The following HIPK1 variants were observed in gnomAD, a reference collection of about 807,000 sequenced individuals.
The protein encoded by HIPK1 is homeodomain interacting protein kinase 1.
In HIPK1, 28 loss-of-function variants were observed where a neutral mutation model predicts 117.1. The ratio of observed to expected loss-of-function variants is 0.24; its 90% CI spans 0.18 to 0.33. The LOEUF (loss-of-function observed/expected upper bound fraction) is 0.33. Ranked by LOEUF, HIPK1 falls within the 10% of genes least tolerant of loss-of-function variation. The probability of loss-of-function intolerance (pLI) is 1.00; values close to 1 mark genes in which losing one functional copy is unlikely to be tolerated. For synonymous variants in HIPK1, 605 were observed against 562.5 expected, an observed-to-expected ratio of 1.08 and a Z score of -1.07; for missense variants, 1,122 against 1,475.1, an observed-to-expected ratio of 0.76 and a Z score of 3.92.
At chr1:113,955,467 G>T in intron 4 of HIPK1, 96 bp from the exon 5 acceptor site, 2 of 735,546 alleles carry the variant, frequency 2.7e-6, no homozygotes, top group East Asian at 2.5e-5. Flanking sequence ...TTGGCAAGGT[G>T]ACCACACTTG....
intron 15 of HIPK1, chr1:113,972,186 C>A: frequency 8.1e-7 from 1 of 1,240,510 alleles, no homozygotes; most frequent in Non-Finnish European, 1.1e-6. Context: ...CTAAGTCTAC[C>A]CTGGAAGGTT....
At chr1:113,965,606 G>T (rs572280963) in intron 10 of HIPK1, among the ~76,000 whole-genome samples, 1 of 152,180 alleles carries the variant, frequency 6.6e-6, no homozygotes, top group South Asian at 2.1e-4. Flanking sequence ...AAAGGATTAG[G>T]CCTTTGGTCA....
intron 2 of HIPK1, among the ~76,000 whole-genome samples, chr1:113,947,230 A>G (rs1332877852): frequency 6.6e-6 from 1 of 152,152 alleles, no homozygotes; most frequent in African/African-American, 2.4e-5. Context: ...CTCACTGTAA[A>G]TGTGCACAGA....
chr1:113,945,096 G>A (rs375123364), intron 2 of HIPK1, among the ~76,000 whole-genome samples: 25 of 150,650 alleles, frequency 1.7e-4, no homozygotes, highest in African/African-American at 6.1e-4. Context: ...TGATATGCCC[G>A]CCTCGGCAAC....
chr1:113,938,633 G>C (rs1670409691), intron 1 of HIPK1, among the ~76,000 whole-genome samples: 1 of 151,872 alleles, frequency 6.6e-6, no homozygotes, highest in South Asian at 2.1e-4. Flanking sequence ...AGGAGGCCAG[G>C]GGCAGTGGCT....
chr1:113,943,216 C>A (rs931444735), intron 2 of HIPK1, among the ~76,000 whole-genome samples: 3 of 152,172 alleles, frequency 2.0e-5, no homozygotes, highest in African/African-American at 7.2e-5. Context: ...TGTTGTGTAA[C>A]CATCACCACT....
At chr1:113,959,682 AC>A (rs1325480373) in intron 8 of HIPK1, among the ~76,000 whole-genome samples, 2 of 152,174 alleles carry the variant, frequency 1.3e-5, no homozygotes, top group Non-Finnish European at 2.9e-5. Context: ...AAGTGGGATA[AC>A]CCTTTTTAGT....
intron 14 of HIPK1, 152 bp downstream of exon 14, chr1:113,970,349 G>A (rs1036287932): frequency 1.2e-5 from 10 of 814,280 alleles, no homozygotes; most frequent in Non-Finnish European, 1.7e-5. Flanking sequence ...CCTGCACAAT[G>A]TGAAATTATT....
chr1:113,950,346 A>C (rs1251670695), intron 2 of HIPK1, among the ~76,000 whole-genome samples: 1 of 152,038 alleles, frequency 6.6e-6, no homozygotes, highest in Non-Finnish European at 1.5e-5. Flanking sequence ...TTTCCATTTA[A>C]CTCCTGTAAC....
chr1:113,951,168 A>G, intron 2 of HIPK1: 3 of 926,912 alleles, frequency 3.2e-6, no homozygotes, highest in Non-Finnish European at 2.6e-6. Context: ...TTTATGTGTC[A>G]TTTATTATTA....
chr1:113,955,018 G>T (rs1355029695), intron 4 of HIPK1, among the ~76,000 whole-genome samples: 1 of 152,146 alleles, frequency 6.6e-6, no homozygotes, highest in Non-Finnish European at 1.5e-5. Flanking sequence ...AAGTTTGGAG[G>T]GTAGTGCTCA....
At chr1:113,939,953 CTT>C (rs543460905) in intron 1 of HIPK1, among the ~76,000 whole-genome samples, 18 of 125,166 alleles carry the variant, frequency 1.4e-4, no homozygotes, top group African/African-American at 2.6e-4. Flanking sequence ...ATCCTGGTTA[CTT>C]TTTTTTTTTT....
chr1:113,959,944 A>G (rs1671986576), intron 8 of HIPK1, among the ~76,000 whole-genome samples: 1 of 152,222 alleles, frequency 6.6e-6, no homozygotes, highest in African/African-American at 2.4e-5. Flanking sequence ...GAGAATTTTG[A>G]GCATGGTTCC....
intron 1 of HIPK1, among the ~76,000 whole-genome samples, chr1:113,931,018 C>A (rs1402643162): frequency 6.6e-6 from 1 of 152,174 alleles, no homozygotes; most frequent in East Asian, 1.9e-4. Context: ...CCCAATCTGT[C>A]CTTTATCTTG....
chr1:113,958,239 T>G lies in HIPK1; in HGVS notation c.1929T>G (p.Thr643=). 1.9e-6 allele frequency: 3 copies of G among 1,614,200 alleles called. No homozygotes were observed. Among genetic ancestry groups the G allele is most frequent in the Non-Finnish European group, 2.5e-6 (3 of 1,180,022 alleles). Residue 643 remains threonine (T), a synonymous_variant, in exon 8 of 16, where the codon ACT becomes ACG. Coordinates refer to ENST00000426820, the MANE Select transcript of HIPK1 (RefSeq NM_198268.3). ...AGCCTGGAACCACCCAGATTTGCAC[T>G]CAGACAGATCCATTCCAACAGACAT... ...SLQPGTTQIC[T]QTDPFQQTFI...
At chr1:113,930,682 A>G (rs1669820757) in intron 1 of HIPK1, 1 of 152,296 alleles carries the variant, frequency 6.6e-6, no homozygotes, top group Non-Finnish European at 1.5e-5. Flanking sequence ...GTGCTTAGCA[A>G]CCAAGACGTG....
At chr1:113,946,008 T>A (rs1437673332) in intron 2 of HIPK1, among the ~76,000 whole-genome samples, 1 of 152,216 alleles carries the variant, frequency 6.6e-6, no homozygotes, top group Non-Finnish European at 1.5e-5. Flanking sequence ...ATAAAACTGG[T>A]ATTTTTTACT....
chr1:113,967,656 T>C (rs1672542200), intron 11 of HIPK1, 110 bp from the exon 12 acceptor site: 1 of 680,914 alleles, frequency 1.5e-6, no homozygotes, highest in East Asian at 3.0e-5. Flanking sequence ...TGCTCAACTT[T>C]AAAAAAATAA....
At position 113,941,073 on chromosome 1, in the gene HIPK1, A is replaced by G. The variant is rs1430504620; in HGVS notation, c.690A>G (p.Gln230=). The G allele has an allele frequency of 1.1e-5, 17 of 1,614,136 alleles. No individual in the cohort carries two copies. Among genetic ancestry groups the G allele is most frequent in the Non-Finnish European group, 1.4e-5 (17 of 1,180,056 alleles). ...AGAACCACCCCTCCTATGCCAGACAAGGACAGATTGAAGTGAGCATCCTTT... is the reference window on the plus strand; with the variant it reads ...AGAACCACCCCTCCTATGCCAGACAGGGACAGATTGAAGTGAGCATCCTTT... The part of the protein sequence containing the change: ...ILKNHPSYAR[Q]GQIEVSILSR... Residue 230 remains glutamine (Q), a synonymous_variant, in exon 2 of 16, where the codon CAA becomes CAG. Coordinates refer to ENST00000426820, the MANE Select transcript of HIPK1 (RefSeq NM_198268.3). The surrounding 1 kb of genome is among the most constrained non-coding windows in gnomAD (Gnocchi z 4.9).
Sources: allele counts gnomAD v4.1 joint callset (sites outside exome capture counted in the v4.1 genomes callset), GRCh38; gene constraint gnomAD v4.1.1; non-coding constraint Gnocchi (gnomAD v3.1); transcripts MANE v1.5; gene names NCBI Gene and HGNC (gene_info 2026-07-23, HGNC 2026-07-21).